RALGDS: variants seen among roughly 807,000 people sequenced by gnomAD.
RALGDS encodes ral guanine nucleotide dissociation stimulator, also known as ral guanine nucleotide exchange factor.
Under a neutral mutation model 99.8 loss-of-function variants are expected in RALGDS, and 44 were observed. That is an observed-to-expected ratio of 0.44 (90% CI 0.35 to 0.57). The LOEUF (loss-of-function observed/expected upper bound fraction) is 0.57. Among genes scored for constraint, RALGDS ranks in the 20% least tolerant of loss-of-function variants. The pLI is 0.01. For synonymous variants in RALGDS, 529 were observed against 505.0 expected (o/e 1.05, Z -0.64); for missense variants, 1,022 against 1,203.1 (o/e 0.85, Z 2.23).
At chr9:133,111,924 G>T in intron 2 of RALGDS, 118 bp downstream of exon 2, 1 of 770,456 alleles carries the variant, frequency 1.3e-6, no homozygotes, top group Non-Finnish European at 2.2e-6. Context: ...GGACAGTGGG[G>T]GTCGGGAAGG....
chr9:133,110,554 G>A, intron 2 of RALGDS, 65 bp from the exon 3 acceptor site: 1 of 1,417,102 alleles, frequency 7.1e-7, no homozygotes. Flanking sequence ...GAGCTCAGAT[G>A]GAACCCCGAG....
In RALGDS at chr9:133,106,715, A is replaced by G; in HGVS notation, c.1447T>C (p.Tyr483His). Residue 483 changes from tyrosine (Y) to histidine (H), a missense_variant, in exon 8 of 18, where the codon TAT (tyrosine) becomes CAT (histidine). Tyr to His is a moderately conservative substitution (Grantham distance 83). Around this residue, in one of 3 missense-constraint regions of RALGDS, gnomAD observed 825 missense variants for 994.5 expected, o/e 0.83. Transcript: ENST00000372050. Reference protein sequence around the residue: ...CRILKNFSSLYAILSALQSNS... With the variant: ...CRILKNFSSLHAILSALQSNS... ...CTCTGCAGGGCAGAGAGGATGGCATACAGTGACGAGAAGTTCTTGAGGATC... is the reference window on the plus strand; with the variant it reads ...CTCTGCAGGGCAGAGAGGATGGCATGCAGTGACGAGAAGTTCTTGAGGATC... 7 of 1,612,860 alleles carry G rather than the reference A, an allele frequency of 4.3e-6. No homozygotes were observed. The highest frequency in any genetic ancestry group is 5.9e-6 in the Non-Finnish European group (7 of 1,179,506).
chr9:133,135,218 G>A (rs1321782049), upstream of RALGDS, among the ~76,000 whole-genome samples: 1 of 152,202 alleles, frequency 6.6e-6, no homozygotes, highest in East Asian at 1.9e-4. Context: ...CAGAGCCACA[G>A]GACACACCTG....
At chr9:133,110,186 G>C in intron 3 of RALGDS, 110 bp downstream of exon 3, 1 of 1,158,152 alleles carries the variant, frequency 8.6e-7, no homozygotes, top group Non-Finnish European at 1.3e-6. Context: ...TCTTTCATAT[G>C]AGCAAAGCGA....
At chr9:133,104,127 C>G in intron 10 of RALGDS, 136 bp downstream of exon 10, 2 of 943,272 alleles carry the variant, frequency 2.1e-6, no homozygotes, top group East Asian at 5.2e-5. Flanking sequence ...ACCAGCTGAT[C>G]CAGGTGTGGC....
intron 1 of RALGDS, among the ~76,000 whole-genome samples, chr9:133,128,867 A>C (rs997699014): frequency 1.3e-5 from 2 of 152,198 alleles, no homozygotes; most frequent in African/African-American, 4.8e-5. Context: ...CTGCCAGGAC[A>C]GCCCGCAGCC....
chr9:133,139,612 G>A lies in RALGDS; in HGVS notation c.18+9351C>T, dbSNP rs142030067. On this transcript the variant is annotated intron_variant, in intron 1 of 17. Transcript: ENST00000393160. ...AGGGGGTCGGGGGAGAGTGGGATGC[G>A]TGGCCTGGGCAACTTACTCGCCTCC... is the stretch of plus-strand genomic sequence containing the variant. 3.2e-4 allele frequency among the ~76,000 whole-genome samples: 49 copies of A among 152,280 alleles called. No individual in the cohort carries two copies. The East Asian group carries it at 3.9e-3, about 12-fold the overall frequency.
intron 5 of RALGDS, 93 bp from the exon 6 acceptor site, chr9:133,108,499 C>T: frequency 6.9e-7 from 1 of 1,442,360 alleles, no homozygotes; most frequent in Non-Finnish European, 9.4e-7. Context: ...AGCCTCTCTC[C>T]CCGAACCCAC....
intron 1 of RALGDS, among the ~76,000 whole-genome samples, chr9:133,146,587 T>C (rs879692595): frequency 6.6e-6 from 1 of 152,118 alleles, no homozygotes; most frequent in Non-Finnish European, 1.5e-5. Context: ...TCCTGGTACA[T>C]AAGTTGCTGA....
At chr9:133,123,271 T>G (rs905112403), upstream of RALGDS, among the ~76,000 whole-genome samples, 1 of 152,194 alleles carries the variant, frequency 6.6e-6, no homozygotes, top group African/African-American at 2.4e-5. Context: ...TGCCACTGAC[T>G]TTATCTCCTC....
chr9:133,131,054 A>G (rs1393834346), exon 1 of RALGDS: 15 of 1,528,636 alleles, frequency 9.8e-6, no homozygotes, highest in Non-Finnish European at 1.3e-5. Context: ...GGGTGTGGGC[A>G]GGGGCTGTGG....
rs1830822840 is a variant in RALGDS, at chr9:133,102,784, A to C, written c.1908T>G (p.Thr636=). ...ATTTGCTGCCCCGGCCTCACCTCTC[A>C]GTCTCGCTGAGCCGCTCCACGGCCC... ...WFRAVERLSE[T]ESYNLSCELE... The change falls in exon 13 of 18, where the codon ACT becomes ACG. Residue 636 remains threonine, a synonymous_variant. Transcript: ENST00000372050. 6.2e-7 allele frequency: 1 copy of C among 1,612,060 alleles called. No individual in the cohort carries two copies. Among genetic ancestry groups the C allele is most frequent in the Non-Finnish European group, 8.5e-7 (1 of 1,179,810 alleles).
chr9:133,114,689 G>A (rs1406640779), intron 1 of RALGDS, among the ~76,000 whole-genome samples: 2 of 152,202 alleles, frequency 1.3e-5, no homozygotes, highest in African/African-American at 4.8e-5. Flanking sequence ...TTTCCCCTGA[G>A]GGCAGGTGCC....
chr9:133,104,125 A>G, intron 10 of RALGDS, 138 bp downstream of exon 10: 1 of 937,712 alleles, frequency 1.1e-6, no homozygotes, highest in Non-Finnish European at 1.7e-6. Flanking sequence ...ATACCAGCTG[A>G]TCCAGGTGTG....
upstream of RALGDS, among the ~76,000 whole-genome samples, chr9:133,131,838 A>G (rs1173214086): frequency 6.6e-6 from 1 of 152,212 alleles, no homozygotes; most frequent in Non-Finnish European, 1.5e-5. Context: ...TCTGGGCCTT[A>G]GTTTGCTCCT....
chr9:133,143,783 C>T (rs1280432987), intron 1 of RALGDS, among the ~76,000 whole-genome samples: 1,224 of 109,380 alleles, frequency 0.011, 15 homozygotes, highest in African/African-American at 0.045. Flanking sequence ...ACAACAACAA[C>T]AACAATAATA....
At position 133,120,920 on chromosome 9, in the gene RALGDS, C is replaced by T. The variant is rs1831899000; in HGVS notation, c.183+52G>A. Reference sequence around the variant, plus strand: ...CGCCCCGACCTGCCCAGCTCTGCCGCGGGTGGGGAGGCTCCGACGCACCCC... The same window carrying T: ...CGCCCCGACCTGCCCAGCTCTGCCGTGGGTGGGGAGGCTCCGACGCACCCC... On this transcript the variant is annotated intron_variant, in intron 1 of 17. Coordinates refer to ENST00000372050, the MANE Select transcript of RALGDS (RefSeq NM_006266.4). The T allele has an allele frequency of 6.2e-6, 9 of 1,446,962 alleles. No individual in the cohort carries two copies. The Admixed American group carries it at 2.2e-4, about 36-fold the overall frequency. The allele number at this position is 1,446,962 out of a possible 1,614,324, so 89.6% of individuals were successfully genotyped here.
At chr9:133,148,449 ATG>A (rs1832661959) in intron 1 of RALGDS, among the ~76,000 whole-genome samples, 2 of 148,674 alleles carry the variant, frequency 1.3e-5, no homozygotes, top group South Asian at 4.3e-4. Flanking sequence ...TGGGTACTGG[ATG>A]CCCCTGCCCG....
chr9:133,110,324 GGGT>G lies in RALGDS; in HGVS notation c.457_459del (p.Thr153del), dbSNP rs1484375117. On this transcript the variant is annotated inframe_deletion, in exon 3 of 18. Coordinates refer to ENST00000372050, the MANE Select transcript of RALGDS (RefSeq NM_006266.4). ...TTGAACAGCAGGTCCAGGACCTGTTGGGTGGTGGTGAAGGCTCTATAGGTACAC... is the reference window on the plus strand; with the variant it reads ...TTGAACAGCAGGTCCAGGACCTGTTGGGTGGTGAAGGCTCTATAGGTACAC... 1 of 1,613,884 alleles carries G rather than the reference GGGT, an allele frequency of 6.2e-7. No homozygotes were observed. The highest frequency in any genetic ancestry group is 8.5e-7 in the Non-Finnish European group (1 of 1,179,992).
Sources: gnomAD v4.1 joint callset for allele counts (sites outside exome capture counted in the v4.1 genomes callset) on GRCh38, gnomAD v4.1.1 for gene constraint, gnomAD v4.1.1 regional missense constraint, MANE v1.5 for transcripts, NCBI Gene and HGNC (gene_info 2026-07-23, HGNC 2026-07-21) for gene names.